ZNF420: variants seen among roughly 807,000 people sequenced by gnomAD.
The protein encoded by ZNF420 is ATM and p53-associated KZNF protein.
Under a neutral mutation model 44.7 loss-of-function variants are expected in ZNF420, and 31 were observed. The ratio of observed to expected loss-of-function variants is 0.69; its 90% confidence interval spans 0.52 to 0.94. The LOEUF (loss-of-function observed/expected upper bound fraction) is 0.94. Ranked by LOEUF, ZNF420 falls within the 40% of genes least tolerant of loss-of-function variation. The pLI, the probability that ZNF420 is intolerant of heterozygous loss-of-function variation, is 0.00. For missense variants in ZNF420, 681 were observed against 827.9 expected (o/e 0.82, Z 2.18); for synonymous variants, 245 against 267.4 (o/e 0.92, Z 0.82).
At chr19:37,110,515 T>C (rs1190536141) in intron 4 of ZNF420, among the ~76,000 whole-genome samples, 3 of 152,240 alleles carry the variant, frequency 2.0e-5, no homozygotes, top group African/African-American at 7.2e-5. Context: ...TGTGCTCGAA[T>C]ATGAGTAATA....
intron 1 of ZNF420, among the ~76,000 whole-genome samples, chr19:37,059,580 G>A (rs532744351): frequency 3.0e-4 from 46 of 152,140 alleles, no homozygotes; most frequent in Non-Finnish European, 4.9e-4. Context: ...GAGTCTGGGG[G>A]AAGCGGCGCG....
At chr19:37,119,301 C>T (rs1018404103) in intron 4 of ZNF420, among the ~76,000 whole-genome samples, 1 of 152,114 alleles carries the variant, frequency 6.6e-6, no homozygotes, top group African/African-American at 2.4e-5. Context: ...CAAACTAGAA[C>T]TCAGGATTAA....
chr19:37,062,993 C>T (rs1324586907), intron 1 of ZNF420, among the ~76,000 whole-genome samples: 3 of 152,178 alleles, frequency 2.0e-5, no homozygotes, highest in Non-Finnish European at 2.9e-5. Context: ...TGACGAAATC[C>T]TATGGAGCTT....
intron 1 of ZNF420, among the ~76,000 whole-genome samples, chr19:37,024,597 C>T (rs1386995307): frequency 1.3e-5 from 2 of 151,962 alleles, no homozygotes; most frequent in East Asian, 1.9e-4. Flanking sequence ...TTAAAGGTGC[C>T]GTCACCACAC....
chr19:37,054,365 C>G (rs544197549), intron 1 of ZNF420, among the ~76,000 whole-genome samples: 7 of 152,314 alleles, frequency 4.6e-5, no homozygotes, highest in Non-Finnish European at 7.4e-5. Context: ...ACCTACTGTC[C>G]TGCACCCACT....
intron 1 of ZNF420, among the ~76,000 whole-genome samples, chr19:37,063,845 A>G (rs1017755136): frequency 6.6e-6 from 1 of 152,200 alleles, no homozygotes; most frequent in Non-Finnish European, 1.5e-5. Context: ...AGTGTTGCCA[A>G]TTGTGCCATT....
At chr19:37,079,714 A>T (rs1968327208) in intron 1 of ZNF420, among the ~76,000 whole-genome samples, 1 of 152,146 alleles carries the variant, frequency 6.6e-6, no homozygotes, top group African/African-American at 2.4e-5. Flanking sequence ...TAGGGCTGAT[A>T]ATACCTTCAA....
chr19:37,048,115 C>A (rs970530429), intron 1 of ZNF420, among the ~76,000 whole-genome samples: 15 of 149,302 alleles, frequency 1.0e-4, no homozygotes, highest in Middle Eastern at 3.4e-3. Context: ...GTGAAAGGCA[C>A]TTTTATTGTG....
chr19:37,099,525 TG>T (rs1161480192), intron 4 of ZNF420, among the ~76,000 whole-genome samples: 1 of 152,234 alleles, frequency 6.6e-6, no homozygotes, highest in Non-Finnish European at 1.5e-5. Context: ...TCAGATTATT[TG>T]TTTTTTTGCT....
chr19:37,025,430 G>A (rs1445359335), intron 1 of ZNF420, among the ~76,000 whole-genome samples: 1 of 151,996 alleles, frequency 6.6e-6, no homozygotes, highest in Non-Finnish European at 1.5e-5. Context: ...TGTAAAATTG[G>A]AATTATAAGA....
rs369854197 is a variant in ZNF420, at chr19:37,020,193, G to A, written c.-125+12111G>A. Among the ~76,000 whole-genome samples the A allele has an allele frequency of 1.7e-4, 26 of 149,104 alleles. No homozygotes were observed. The East Asian group carries it at 2.6e-3, about 15-fold the overall frequency. On this transcript the variant is annotated intron_variant, in intron 1 of 4. Coordinates refer to the ZNF420 transcript ENST00000587029. ...GATGGCGCCACTGCACTCCAGCCTG[G>A]GCGACAGAGTGAGACTCCGTCTCAA... is the stretch of plus-strand genomic sequence containing the variant.
At chr19:37,042,571 G>A (rs1475756938) in intron 1 of ZNF420, among the ~76,000 whole-genome samples, 5 of 152,150 alleles carry the variant, frequency 3.3e-5, no homozygotes, top group Non-Finnish European at 7.3e-5. Context: ...AGTCCAAGGG[G>A]GAAAATAAAG....
intron 1 of ZNF420, among the ~76,000 whole-genome samples, chr19:37,058,956 G>A (rs781510271): frequency 5.3e-5 from 8 of 152,188 alleles, no homozygotes; most frequent in Non-Finnish European, 8.8e-5. Context: ...GGGCTCGTGG[G>A]TCAGCGAATT....
At chr19:37,055,999 G>A (rs1967745151) in intron 1 of ZNF420, among the ~76,000 whole-genome samples, 1 of 152,152 alleles carries the variant, frequency 6.6e-6, no homozygotes, top group Admixed American at 6.5e-5. Flanking sequence ...AGCCTCAGGG[G>A]TTGCCTGGGG....
chr19:37,115,353 G>A (rs1970615161), intron 4 of ZNF420, among the ~76,000 whole-genome samples: 1 of 152,104 alleles, frequency 6.6e-6, no homozygotes, highest in African/African-American at 2.4e-5. Flanking sequence ...GCCAGCACTG[G>A]TCTCTGAGTT....
chr19:37,019,667 T>C (rs115255291), intron 1 of ZNF420, among the ~76,000 whole-genome samples: 6 of 151,774 alleles, frequency 4.0e-5, no homozygotes, highest in African/African-American at 1.2e-4. Flanking sequence ...CCCAGAGGGC[T>C]GAGACAGGAA....
intron 1 of ZNF420, among the ~76,000 whole-genome samples, chr19:37,033,753 TTTTATTTA>T (rs1298421159): frequency 1.3e-5 from 2 of 152,052 alleles, no homozygotes; most frequent in South Asian, 4.2e-4. Context: ...TATGTTCCAT[TTTTATTTA>T]TTTATTTATT....
chr19:37,043,601 A>G (rs1361962931), intron 1 of ZNF420, among the ~76,000 whole-genome samples: 1 of 151,948 alleles, frequency 6.6e-6, no homozygotes, highest in East Asian at 1.9e-4. Context: ...CAGCCTTCCA[A>G]GTAGCTGGGA....
chr19:37,028,947 C>CA (rs56408100), intron 1 of ZNF420, among the ~76,000 whole-genome samples: 152,287 of 152,296 alleles, frequency 1, 76,139 homozygotes, highest in Middle Eastern at 1. Flanking sequence ...GTGTTTTGTT[C>CA]AAATCATCGA....
Sources: gnomAD v4.1 joint callset for allele counts (sites outside exome capture counted in the v4.1 genomes callset) on GRCh38, gnomAD v4.1.1 for gene constraint, MANE v1.5 for transcripts, NCBI Gene and HGNC (gene_info 2026-07-23, HGNC 2026-07-21) for gene names.